The following FRY variants were observed in gnomAD, a reference collection of about 807,000 sequenced individuals.
The protein encoded by FRY is FRY microtubule binding protein.
FRY carries 128 observed loss-of-function variants against 348.4 expected under a neutral mutation model. The observed-to-expected ratio is 0.37, with a 90% CI of 0.32 to 0.43. The LOEUF is 0.43. Ranked by LOEUF, FRY falls within the 20% of genes least tolerant of loss-of-function variation. The pLI is 1.00. For synonymous variants in FRY, 1,370 were observed against 1,374.7 expected (o/e 1.00, Z 0.08); for missense variants, 2,736 against 3,695.2 (o/e 0.74, Z 6.73).
intron 51 of FRY, among the ~76,000 whole-genome samples, chr13:32,259,901 G>A (rs1215691549): frequency 1.3e-5 from 2 of 152,008 alleles, no homozygotes; most frequent in African/African-American, 2.4e-5. Flanking sequence ...AGCAGATACT[G>A]GATGTTAGAA....
At chr13:32,289,137 T>C (rs189061191) in intron 58 of FRY, among the ~76,000 whole-genome samples, 4 of 152,316 alleles carry the variant, frequency 2.6e-5, no homozygotes, top group Admixed American at 2.0e-4. Flanking sequence ...TCAACAAGTA[T>C]TTACTGAGCA....
chr13:32,236,825 A>G (rs1258154412), intron 43 of FRY, among the ~76,000 whole-genome samples: 1 of 152,194 alleles, frequency 6.6e-6, no homozygotes, highest in Non-Finnish European at 1.5e-5. Flanking sequence ...CAAACATCAC[A>G]CATATTTATC....
chr13:32,273,053 C>A (rs1460681853), intron 55 of FRY, among the ~76,000 whole-genome samples: 3 of 151,674 alleles, frequency 2.0e-5, no homozygotes, highest in Non-Finnish European at 4.4e-5. Flanking sequence ...GAATCAGATT[C>A]TTCTTAATTG....
At chr13:32,221,783 G>C (rs756174270) in intron 36 of FRY, among the ~76,000 whole-genome samples, 1 of 152,212 alleles carries the variant, frequency 6.6e-6, no homozygotes, top group Non-Finnish European at 1.5e-5. Flanking sequence ...AAAATGCTGG[G>C]ATTACAGGCA....
chr13:32,117,863 G>C (rs1039427007), intron 4 of FRY, among the ~76,000 whole-genome samples: 1 of 152,288 alleles, frequency 6.6e-6, no homozygotes. Context: ...TCAGTGTACT[G>C]TAGTGGGAAG....
intron 4 of FRY, among the ~76,000 whole-genome samples, chr13:32,118,403 G>C (rs116342084): frequency 6.6e-6 from 1 of 152,014 alleles, no homozygotes; most frequent in Non-Finnish European, 1.5e-5. Flanking sequence ...TTTCTTGAAA[G>C]TCCTAATACT....
intron 17 of FRY, among the ~76,000 whole-genome samples, chr13:32,166,150 A>G (rs1246901628): frequency 2.6e-5 from 4 of 152,200 alleles, no homozygotes; most frequent in Non-Finnish European, 4.4e-5. Context: ...CTTTTATTTT[A>G]GGCTTCTGAG....
chr13:32,118,921 A>G (rs944807920), intron 4 of FRY, among the ~76,000 whole-genome samples: 9 of 152,148 alleles, frequency 5.9e-5, no homozygotes, highest in African/African-American at 2.2e-4. Flanking sequence ...AGGGGCAGGG[A>G]GTGGGACAGT....
intron 31 of FRY, 125 bp downstream of exon 31, chr13:32,202,652 T>A: frequency 1.1e-6 from 1 of 923,342 alleles, no homozygotes; most frequent in Non-Finnish European, 1.7e-6. Context: ...AATTCTAGTT[T>A]AATTTTAGAG....
chr13:32,275,101 G>A lies in FRY; in HGVS notation c.8286+110G>A, dbSNP rs142776670. The A allele has an allele frequency of 2.7e-3, 2,642 of 987,974 alleles. 9 individuals are homozygous for A. The highest frequency in any genetic ancestry group is 4.3e-3 in the East Asian group (169 of 39,090). The allele number at this position is 987,974 out of a possible 1,614,324, so 61.2% of individuals were successfully genotyped here. On this transcript the variant is annotated intron_variant, in intron 56 of 60. Coordinates refer to ENST00000542859, the MANE Select transcript of FRY (RefSeq NM_023037.3). ...TTTGTTTTAAAGATACCTTCTGGCC[G>A]GGTGCGGTGGCTCAAGCCTGTAATC...
intron 47 of FRY, among the ~76,000 whole-genome samples, chr13:32,245,054 A>G (rs1886712404): frequency 6.6e-6 from 1 of 151,982 alleles, no homozygotes; most frequent in African/African-American, 2.4e-5. Flanking sequence ...GGTTCAAGCG[A>G]TCCTTCTGCC....
intron 59 of FRY, among the ~76,000 whole-genome samples, chr13:32,291,352 T>C (rs1889347146): frequency 6.6e-6 from 1 of 152,160 alleles, no homozygotes; most frequent in Non-Finnish European, 1.5e-5. Context: ...TCAACTCTTT[T>C]CTTTTTTATT....
chr13:32,217,339 C>T (rs1156900446), intron 35 of FRY, among the ~76,000 whole-genome samples: 1 of 152,100 alleles, frequency 6.6e-6, no homozygotes, highest in African/African-American at 2.4e-5. Flanking sequence ...CACACTGCCC[C>T]TGAACCACAC....
At chr13:32,205,967 T>A (rs1402974151) in intron 31 of FRY, among the ~76,000 whole-genome samples, 3 of 151,624 alleles carry the variant, frequency 2.0e-5, no homozygotes, top group South Asian at 2.1e-4. Context: ...ATGCCTACTG[T>A]GATATCAGGG....
At chr13:32,090,544 C>A (rs1231669001) in intron 2 of FRY, among the ~76,000 whole-genome samples, 1 of 151,916 alleles carries the variant, frequency 6.6e-6, no homozygotes, top group African/African-American at 2.4e-5. Context: ...AAAGATCCAT[C>A]CACACACACT....
chr13:32,115,281 C>T (rs2138685133), intron 3 of FRY, among the ~76,000 whole-genome samples: 1 of 152,292 alleles, frequency 6.6e-6, no homozygotes, highest in East Asian at 1.9e-4. Context: ...GAAGCCCGGC[C>T]TGCTTAACTG....
Position 32,126,631 on chromosome 13 carries a change from C to G in FRY, c.716+1756C>G, listed in dbSNP as rs144628738. On this transcript the variant is annotated intron_variant, in intron 7 of 60. Transcript: ENST00000542859. ...TCTGCTCTTGCAGTAAACACAGACT[C>G]CAATAGCCCTTGATGTGTTCTCAAC... Among the ~76,000 whole-genome samples the G allele has an allele frequency of 4.3e-3, 662 of 152,276 alleles. 4 individuals carry two copies. Among genetic ancestry groups the G allele is most frequent in the African/African-American group, 0.015 (628 of 41,544 alleles).
intron 58 of FRY, among the ~76,000 whole-genome samples, chr13:32,284,149 A>G (rs1050279608): frequency 2.0e-5 from 3 of 152,230 alleles, no homozygotes; most frequent in Non-Finnish European, 2.9e-5. Context: ...TGCATTCATA[A>G]TTCAACAGAT....
chr13:32,072,169 G>A (rs74044372), intron 1 of FRY, among the ~76,000 whole-genome samples: 1,685 of 152,202 alleles, frequency 0.011, 38 homozygotes, highest in African/African-American at 0.039. Flanking sequence ...GAGAACTGTA[G>A]GAGAATTAAA....
Sources: allele counts gnomAD v4.1 joint callset (sites outside exome capture counted in the v4.1 genomes callset), GRCh38; gene constraint gnomAD v4.1.1; transcripts MANE v1.5; gene names NCBI Gene and HGNC (gene_info 2026-07-23, HGNC 2026-07-21).